Variants in SOX6 observed in about 807,000 individuals in gnomAD.
SOX6 encodes the protein SRY-box transcription factor 6, also known as transcription factor SOX-6.
Under a neutral mutation model 97.8 loss-of-function variants are expected in SOX6, and 11 were observed. That is an observed-to-expected ratio of 0.11 (90% confidence interval 0.07 to 0.19). The LOEUF (loss-of-function observed/expected upper bound fraction) is 0.19, where lower values mean the gene tolerates loss of function less well. SOX6 is among the 10% of genes least tolerant of loss of function. The pLI is 1.00. For synonymous variants in SOX6, 360 were observed against 371.4 expected (o/e 0.97, Z 0.35); for missense variants, 810 against 1,039.5 (o/e 0.78, Z 3.04).
At chr11:16,591,322 G>GATAC (rs1848148799) in intron 4 of SOX6, among the ~76,000 whole-genome samples, 1 of 70,478 alleles carries the variant, frequency 1.4e-5, no homozygotes, top group African/African-American at 5.4e-5. Context: ...TAGATACATA[G>GATAC]ATAGATAGAT....
chr11:16,117,432 C>T (rs1490600214), intron 6 of SOX6, among the ~76,000 whole-genome samples: 1 of 152,118 alleles, frequency 6.6e-6, no homozygotes, highest in Non-Finnish European at 1.5e-5. Flanking sequence ...TTTCTAAATG[C>T]CATCTTCTAC....
At chr11:16,228,248 C>T (rs138978971) in intron 4 of SOX6, among the ~76,000 whole-genome samples, 2 of 151,726 alleles carry the variant, frequency 1.3e-5, no homozygotes, top group Admixed American at 1.3e-4. Flanking sequence ...ACTTCAGATG[C>T]ACCCAGGCCA....
At chr11:16,428,625 C>T (rs2133073626) in intron 1 of SOX6, among the ~76,000 whole-genome samples, 1 of 152,208 alleles carries the variant, frequency 6.6e-6, no homozygotes, top group East Asian at 1.9e-4. Flanking sequence ...TGTCATAGAT[C>T]AGATAGTTGT....
intron 1 of SOX6, among the ~76,000 whole-genome samples, chr11:16,394,623 G>A (rs1858290782): frequency 6.6e-6 from 1 of 151,762 alleles, no homozygotes. Flanking sequence ...AAAAACAAAA[G>A]CGTCTACCAA....
intron 12 of SOX6, among the ~76,000 whole-genome samples, chr11:16,028,126 G>A (rs2078296936): frequency 6.6e-6 from 1 of 152,222 alleles, no homozygotes. Context: ...AGCATGCTAA[G>A]AATAAATTTT....
chr11:16,547,427 T>TAC (rs139862658), intron 4 of SOX6, among the ~76,000 whole-genome samples: 14 of 151,086 alleles, frequency 9.3e-5, no homozygotes, highest in South Asian at 4.2e-4. Context: ...AAAGTATATG[T>TAC]ACACACACAC....
intron 3 of SOX6, among the ~76,000 whole-genome samples, chr11:16,639,091 A>G (rs545989566): frequency 6.6e-6 from 1 of 152,232 alleles, no homozygotes; most frequent in East Asian, 1.9e-4. Flanking sequence ...TAATTTTTGT[A>G]TAAGGTGTAA....
chr11:16,012,199 G>C (rs1324594614), intron 13 of SOX6, among the ~76,000 whole-genome samples: 1 of 152,038 alleles, frequency 6.6e-6, no homozygotes, highest in African/African-American at 2.4e-5. Context: ...AGGGAAATAT[G>C]AAGGAACGAA....
chr11:16,656,784 T>C (rs1011368430), intron 3 of SOX6, among the ~76,000 whole-genome samples: 38 of 152,186 alleles, frequency 2.5e-4, no homozygotes, highest in African/African-American at 8.2e-4. Context: ...AAATAATCTA[T>C]TACATTGTTT....
intron 4 of SOX6, among the ~76,000 whole-genome samples, chr11:16,485,936 GGGAGA>G (rs1327594418): frequency 1.9e-4 from 5 of 26,314 alleles, no homozygotes; most frequent in South Asian, 3.0e-3. Context: ...GGGAGGGGAG[GGGAGA>G]GGAGGGGAGG....
intron 6 of SOX6, among the ~76,000 whole-genome samples, chr11:16,117,967 T>C (rs1304176481): frequency 6.7e-6 from 1 of 150,362 alleles, no homozygotes; most frequent in Non-Finnish European, 1.5e-5. Context: ...TCAAATAGCA[T>C]CTTTTTTTTC....
chr11:16,186,896 T>C lies in SOX6; in HGVS notation c.595A>G (p.Ile199Val), dbSNP rs1447800822. 6.2e-7 allele frequency: 1 copy of C among 1,613,708 alleles called. No homozygotes were observed. The highest frequency in any genetic ancestry group is 8.5e-7 in the Non-Finnish European group (1 of 1,179,836). ...GCCAGTAGCTGCTCCCGTAAACTGA[T>C]CAGCTGGGTAATCATGGTGGAGAGC... Reference protein sequence around the residue: ...RQLSTMITQLISLREQLLAAH... With the variant: ...RQLSTMITQLVSLREQLLAAH... The change falls in exon 5 of 16, where the codon ATC becomes GTC. Residue 199 changes from isoleucine to valine, a missense_variant. Around this residue, in one of 9 missense-constraint regions of SOX6, gnomAD observed 110 missense variants for 119.0 expected, o/e 0.92. Coordinates refer to ENST00000683767, the MANE Select transcript of SOX6 (RefSeq NM_001367873.1).
chr11:16,478,672 T>C (rs1351226881), upstream of SOX6, among the ~76,000 whole-genome samples: 2 of 152,334 alleles, frequency 1.3e-5, no homozygotes, highest in Admixed American at 6.5e-5. Flanking sequence ...ATGACTTTAA[T>C]GCATAGTTCT....
chr11:16,286,909 T>C (rs1854760353), intron 3 of SOX6, among the ~76,000 whole-genome samples: 1 of 152,042 alleles, frequency 6.6e-6, no homozygotes, highest in Non-Finnish European at 1.5e-5. Flanking sequence ...AGATGATAGG[T>C]CCATAAGGGC....
intron 4 of SOX6, among the ~76,000 whole-genome samples, chr11:16,492,773 A>G (rs1393428451): frequency 1.3e-5 from 2 of 152,200 alleles, no homozygotes; most frequent in African/African-American, 4.8e-5. Flanking sequence ...AACGCCTACA[A>G]ATCAATAAAA....
intron 3 of SOX6, among the ~76,000 whole-genome samples, chr11:16,241,693 C>T (rs935071381): frequency 6.6e-6 from 1 of 151,872 alleles, no homozygotes; most frequent in African/African-American, 2.4e-5. Flanking sequence ...AAATTCAATC[C>T]AATCAGAATT....
rs566116860 is a variant in SOX6, at chr11:16,207,460, T to G, written c.536-20505A>C. 9.9e-5 allele frequency among the ~76,000 whole-genome samples: 15 copies of G among 152,040 alleles called. No individual in the cohort carries two copies. In the East Asian group the frequency reaches 2.9e-3, roughly 30 times the overall value. ...AATACAAAAAATTAGCCAGGCATGG[T>G]GGCGGGCACCTGTAGTCCCAGCTAC... On this transcript the variant is annotated intron_variant, in intron 4 of 15. Transcript: ENST00000683767.
chr11:16,138,954 T>C (rs1030040663), intron 6 of SOX6, among the ~76,000 whole-genome samples: 50 of 152,344 alleles, frequency 3.3e-4, no homozygotes, highest in African/African-American at 1.2e-3. Context: ...CTATCATTTT[T>C]GGACATTTGG....
intron 3 of SOX6, among the ~76,000 whole-genome samples, chr11:16,267,189 T>C (rs906150848): frequency 4.0e-5 from 4 of 101,174 alleles, no homozygotes; most frequent in Admixed American, 1.9e-4. Context: ...AATAGACAAA[T>C]GGGATTACGT....
Sources: gnomAD v4.1 joint callset for allele counts (sites outside exome capture counted in the v4.1 genomes callset) on GRCh38, gnomAD v4.1.1 for gene constraint, gnomAD v4.1.1 regional missense constraint, MANE v1.5 for transcripts, NCBI Gene and HGNC (gene_info 2026-07-23, HGNC 2026-07-21) for gene names.